Variants in PCDHA5 observed in about 807,000 individuals in gnomAD.
The protein encoded by PCDHA5 is protocadherin alpha-5.
In PCDHA5, 43 loss-of-function variants were observed where a neutral mutation model predicts 61.6. The observed-to-expected ratio is 0.70, with a 90% confidence interval of 0.55 to 0.90. The LOEUF (loss-of-function observed/expected upper bound fraction) is 0.90, where lower values mean the gene tolerates loss of function less well. Among genes scored for constraint, PCDHA5 ranks in the 40% least tolerant of loss-of-function variants. The pLI is 0.00. For synonymous variants in PCDHA5, 627 were observed against 543.9 expected (o/e 1.15, Z -2.13); for missense variants, 1,298 against 1,222.7 (o/e 1.06, Z -0.92).
At chr5:140,860,557 G>C (rs146943384) in intron 1 of PCDHA5, 1 of 152,036 alleles carries the variant, frequency 6.6e-6, no homozygotes, top group African/African-American at 2.4e-5. Context: ...CTTTGAAGAG[G>C]TACTGATCAT....
At chr5:140,995,214 CTCT>C (rs1563606225) in intron 3 of PCDHA5, among the ~76,000 whole-genome samples, 1 of 152,136 alleles carries the variant, frequency 6.6e-6, no homozygotes, top group East Asian at 1.9e-4. Flanking sequence ...AGGCACAATA[CTCT>C]TGTGCTTTGG....
chr5:140,941,199 C>CTCCCT (rs2092799099), intron 1 of PCDHA5, among the ~76,000 whole-genome samples: 1 of 115,882 alleles, frequency 8.6e-6, no homozygotes, highest in South Asian at 2.6e-4. Flanking sequence ...TTTTTTCTTT[C>CTCCCT]TTCCTTTCTT....
At chr5:140,894,363 C>T (rs971503382) in intron 1 of PCDHA5, among the ~76,000 whole-genome samples, 1 of 151,968 alleles carries the variant, frequency 6.6e-6, no homozygotes, top group Admixed American at 6.5e-5. Context: ...ATTTCTTCTT[C>T]AATGGCTCCA....
At chr5:140,958,587 A>G (rs530889375) in intron 1 of PCDHA5, among the ~76,000 whole-genome samples, 36 of 152,292 alleles carry the variant, frequency 2.4e-4, no homozygotes, top group African/African-American at 8.2e-4. Context: ...AAATGAGCTT[A>G]TGATAATTGG....
At chr5:140,827,284 CA>C (rs1769236667) in intron 1 of PCDHA5, among the ~76,000 whole-genome samples, 1 of 152,058 alleles carries the variant, frequency 6.6e-6, no homozygotes, top group African/African-American at 2.4e-5. Flanking sequence ...GCTGAAGAAT[CA>C]AAAACAGCAA....
Position 140,894,936 on chromosome 5 carries a change from A to G in PCDHA5, c.2352+70809A>G, listed in dbSNP as rs560165058. Among the ~76,000 whole-genome samples the G allele has an allele frequency of 3.5e-4, 53 of 152,142 alleles. 1 individual carries two copies. The highest frequency in any genetic ancestry group is 5.6e-4 in the Non-Finnish European group (38 of 68,020). On this transcript the variant is annotated intron_variant, in intron 1 of 3. Transcript: ENST00000529859. ...TTGCTCTATAGATTTCTATTCAGCTATTGTCATGAAATGATAAAAATATAA... is the reference window on the plus strand; with the variant it reads ...TTGCTCTATAGATTTCTATTCAGCTGTTGTCATGAAATGATAAAAATATAA...
chr5:140,907,239 C>A (rs1447900433), intron 1 of PCDHA5, among the ~76,000 whole-genome samples: 1 of 152,200 alleles, frequency 6.6e-6, no homozygotes, highest in African/African-American at 2.4e-5. Flanking sequence ...ACCTAGTTGA[C>A]ATTGTAATTG....
intron 1 of PCDHA5, chr5:140,836,413 A>T (rs2150260051): frequency 6.2e-7 from 1 of 1,613,666 alleles, no homozygotes; most frequent in Non-Finnish European, 8.5e-7. Flanking sequence ...CAGGCACCAA[A>T]GGCGTCGTCG....
chr5:140,907,554 A>G (rs1554193052), intron 1 of PCDHA5, among the ~76,000 whole-genome samples: 2 of 152,224 alleles, frequency 1.3e-5, no homozygotes, highest in African/African-American at 2.4e-5. Context: ...AAGAGGTCCA[A>G]TATAATCAAC....
intron 3 of PCDHA5, among the ~76,000 whole-genome samples, chr5:140,997,872 C>G (rs1053678533): frequency 6.6e-6 from 1 of 152,094 alleles, no homozygotes; most frequent in African/African-American, 2.4e-5. Context: ...TGCATGCTTG[C>G]TAGTATTTAT....
At chr5:140,974,614 C>T (rs757071183) in intron 1 of PCDHA5, among the ~76,000 whole-genome samples, 3 of 152,070 alleles carry the variant, frequency 2.0e-5, no homozygotes, top group East Asian at 1.9e-4. Context: ...AGGGTTCAAG[C>T]GATTCTCCTG....
intron 1 of PCDHA5, chr5:140,864,867 C>A (rs868913325): frequency 3.9e-5 from 6 of 152,058 alleles, no homozygotes; most frequent in South Asian, 2.1e-4. Context: ...AAGGGTGATA[C>A]CATTGTCTGT....
chr5:140,885,287 G>T (rs1224083539), intron 1 of PCDHA5, among the ~76,000 whole-genome samples: 1 of 152,050 alleles, frequency 6.6e-6, no homozygotes, highest in African/African-American at 2.4e-5. Context: ...TACATATATA[G>T]AGAGAGACCT....
At chr5:140,863,350 A>G (rs781880705) in intron 1 of PCDHA5, 2 of 1,296,828 alleles carry the variant, frequency 1.5e-6, no homozygotes, top group Non-Finnish European at 2.1e-6. Flanking sequence ...GCTGTACACG[A>G]CGCTGCGGTG....
chr5:141,011,501 A>G lies in PCDHA5; in HGVS notation c.*1564A>G, dbSNP rs548038544. ...ATATTTCCTTTTGTACACCTGTGAA[A>G]AAGTGGAGTAGTGTTTTTTTAACCA... On this transcript the variant is annotated 3_prime_UTR_variant, in exon 4 of 4. Coordinates refer to ENST00000529859, the MANE Select transcript of PCDHA5 (RefSeq NM_018908.3). 1.3e-5 allele frequency: 2 copies of G among 153,894 alleles called. No individual in the cohort carries two copies. Among genetic ancestry groups the G allele is most frequent in the African/African-American group, 4.8e-5 (2 of 41,578 alleles). 9.5% of individuals were successfully genotyped at this position (153,894 alleles called of 1,614,324 possible).
rs140143048 is a variant in PCDHA5 at position 140,842,939 on chromosome 5, G to T, written c.2352+18812G>T. 2.5e-6 allele frequency: 4 copies of T among 1,594,572 alleles called. No homozygotes were observed. In the East Asian group the frequency reaches 8.9e-5, roughly 36 times the overall value. ...GCAGTTCCAGGTGAGCGCGCGCGACGCGGGCGTGCCGCCTCTGGGCAGCAA... is the reference window on the plus strand; with the variant it reads ...GCAGTTCCAGGTGAGCGCGCGCGACTCGGGCGTGCCGCCTCTGGGCAGCAA... On this transcript the variant is annotated intron_variant, in intron 1 of 3. Coordinates refer to ENST00000529859, the MANE Select transcript of PCDHA5 (RefSeq NM_018908.3).
intron 1 of PCDHA5, chr5:140,877,932 A>G: frequency 7.1e-7 from 1 of 1,407,638 alleles, no homozygotes; most frequent in Non-Finnish European, 9.3e-7. Flanking sequence ...TTATGATTCT[A>G]TCCTTTAAAC....
At chr5:140,966,968 G>T in intron 1 of PCDHA5, 1 of 1,602,616 alleles carries the variant, frequency 6.2e-7, no homozygotes. Context: ...GCTGGGGCTT[G>T]AGCTGCGGCG....
intron 1 of PCDHA5, among the ~76,000 whole-genome samples, chr5:140,937,805 G>A (rs1192616946): frequency 1.3e-5 from 2 of 149,798 alleles, no homozygotes; most frequent in African/African-American, 2.5e-5. Context: ...CCAGCTACTC[G>A]GGAAGCTGAG....
Sources: allele counts gnomAD v4.1 joint callset (sites outside exome capture counted in the v4.1 genomes callset), GRCh38; gene constraint gnomAD v4.1.1; transcripts MANE v1.5; gene names NCBI Gene and HGNC (gene_info 2026-07-23, HGNC 2026-07-21).